SGCG: variants seen among roughly 807,000 people sequenced by gnomAD.
SGCG encodes the protein sarcoglycan gamma.
In SGCG, 26 loss-of-function variants were observed where a neutral mutation model predicts 29.3. The ratio of observed to expected loss-of-function variants is 0.89; its 90% CI spans 0.65 to 1.23. The LOEUF (loss-of-function observed/expected upper bound fraction) is 1.23, where lower values mean the gene tolerates loss of function less well. SGCG is among the 50% of genes most tolerant of loss of function. The probability of loss-of-function intolerance (pLI) is 0.00; values close to 1 mark genes in which losing one functional copy is unlikely to be tolerated. For synonymous variants in SGCG, 145 were observed against 129.7 expected (o/e 1.12, Z -0.80); for missense variants, 353 against 356.0 (o/e 0.99, Z 0.07).
At chr13:23,311,240 C>A (rs909416033) in intron 6 of SGCG, among the ~76,000 whole-genome samples, 5 of 152,126 alleles carry the variant, frequency 3.3e-5, no homozygotes, top group Admixed American at 2.0e-4. Context: ...ATTCTGAATT[C>A]TTTTAAGATT....
chr13:23,176,419 T>TA (rs1427732629), upstream of SGCG, among the ~76,000 whole-genome samples: 1 of 152,186 alleles, frequency 6.6e-6, no homozygotes, highest in Non-Finnish European at 1.5e-5. Context: ...TTGGGTGCTT[T>TA]ACTGTTGGGT....
chr13:23,302,271 T>TTA (rs1882190305), intron 6 of SGCG, among the ~76,000 whole-genome samples: 1 of 151,302 alleles, frequency 6.6e-6, no homozygotes, highest in South Asian at 2.1e-4. Context: ...ATTTATATAA[T>TTA]TATATATATA....
At chr13:23,171,315 T>C in the SGCG span, among the ~76,000 whole-genome samples, 1 of 152,206 alleles carries the variant, frequency 6.6e-6, no homozygotes. Flanking sequence ...GATAGTATTA[T>C]TCCCAACATT....
chr13:23,238,081 A>G (rs1245315059), intron 3 of SGCG, among the ~76,000 whole-genome samples: 1 of 152,212 alleles, frequency 6.6e-6, no homozygotes, highest in Non-Finnish European at 1.5e-5. Context: ...GACAATGGGC[A>G]GCTCAGGAGA....
chr13:23,317,932 G>A (rs1882886949), intron 6 of SGCG, among the ~76,000 whole-genome samples: 1 of 152,112 alleles, frequency 6.6e-6, no homozygotes, highest in African/African-American at 2.4e-5. Context: ...GGCTGGGGAA[G>A]GCAGACCCAC....
intron 4 of SGCG, among the ~76,000 whole-genome samples, chr13:23,271,847 T>C (rs1035176213): frequency 5.3e-5 from 8 of 152,228 alleles, no homozygotes; most frequent in African/African-American, 1.9e-4. Context: ...TCAGAAGTAT[T>C]ACAAATTTTT....
At chr13:23,219,249 G>A (rs1038660754) in intron 2 of SGCG, among the ~76,000 whole-genome samples, 14 of 151,842 alleles carry the variant, frequency 9.2e-5, no homozygotes, top group East Asian at 1.9e-4. Flanking sequence ...GGGTTTCATC[G>A]TGTTAGCCAG....
chr13:23,310,654 A>G (rs1043442019), intron 6 of SGCG, among the ~76,000 whole-genome samples: 2 of 151,376 alleles, frequency 1.3e-5, no homozygotes, highest in African/African-American at 4.9e-5. Flanking sequence ...ATTTTGTTTT[A>G]TTTACCATGC....
At chr13:23,241,401 CT>C in intron 3 of SGCG, among the ~76,000 whole-genome samples, 4 of 152,020 alleles carry the variant, frequency 2.6e-5, no homozygotes, top group Non-Finnish European at 5.9e-5. Context: ...TACATACAAC[CT>C]TCCAAGATTG....
the SGCG span, among the ~76,000 whole-genome samples, chr13:23,167,959 A>G: frequency 6.6e-6 from 1 of 150,572 alleles, no homozygotes; most frequent in Non-Finnish European, 1.5e-5. Context: ...CTGGTCTTGA[A>G]CTCTTGACCT....
chr13:23,274,832 C>T (rs931712149), intron 4 of SGCG, among the ~76,000 whole-genome samples: 3 of 151,818 alleles, frequency 2.0e-5, no homozygotes, highest in African/African-American at 7.3e-5. Context: ...GAAGTCCATC[C>T]TTTTCCAATT....
At chr13:23,172,962 G>A in the SGCG span, among the ~76,000 whole-genome samples, 4 of 152,196 alleles carry the variant, frequency 2.6e-5, no homozygotes, top group Admixed American at 1.3e-4. Context: ...GTTGTCAAAT[G>A]CTGATATTAA....
the SGCG span, among the ~76,000 whole-genome samples, chr13:23,169,093 C>T: frequency 6.6e-6 from 1 of 151,600 alleles, no homozygotes; most frequent in African/African-American, 2.4e-5. Flanking sequence ...CTGAAGTTTT[C>T]CCACTAGTCC....
At position 23,269,881 on chromosome 13, in the gene SGCG, T is replaced by TG. The variant is rs540247342; in HGVS notation, c.386-9478_386-9477insG. Among the ~76,000 whole-genome samples, 2,192 of 114,784 alleles carry TG rather than the reference T, an allele frequency of 0.019. 221 individuals carry two copies. In the East Asian group the frequency reaches 0.24, roughly 13 times the overall value. The allele number at this position is 114,784 out of a possible 152,430, so 75.3% of individuals were successfully genotyped here. On this transcript the variant is annotated intron_variant, in intron 4 of 7. Transcript: ENST00000218867. ...CTTTTTTTTGTTTTTTTTGTTTTTTTTGTTTTTTTTTGAGGCGGAGTCTCC... is the reference window on the plus strand; with the variant it reads ...CTTTTTTTTGTTTTTTTTGTTTTTTTGTGTTTTTTTTTGAGGCGGAGTCTCC...
chr13:23,292,250 C>T (rs889245343), intron 5 of SGCG, among the ~76,000 whole-genome samples: 4 of 152,144 alleles, frequency 2.6e-5, no homozygotes, highest in Non-Finnish European at 4.4e-5. Flanking sequence ...GCTGGGATTA[C>T]AGGCGTGCGC....
At chr13:23,246,477 G>T (rs1879714152) in intron 3 of SGCG, 1 of 152,206 alleles carries the variant, frequency 6.6e-6, no homozygotes, top group African/African-American at 2.4e-5. Flanking sequence ...CCTTCCCCAA[G>T]GAATTTCAGG....
At chr13:23,311,622 G>A (rs1051436119) in intron 6 of SGCG, among the ~76,000 whole-genome samples, 6 of 152,194 alleles carry the variant, frequency 3.9e-5, no homozygotes, top group Non-Finnish European at 8.8e-5. Flanking sequence ...GCAAAGTGAG[G>A]CTGACATGTG....
At chr13:23,233,140 A>G (rs1318985471) in intron 2 of SGCG, among the ~76,000 whole-genome samples, 1 of 152,224 alleles carries the variant, frequency 6.6e-6, no homozygotes, top group Non-Finnish European at 1.5e-5. Flanking sequence ...AGCATTTACA[A>G]TGCCCAAAAT....
chr13:23,197,446 G>C (rs1305331145), intron 1 of SGCG, among the ~76,000 whole-genome samples: 2 of 152,196 alleles, frequency 1.3e-5, no homozygotes, highest in Non-Finnish European at 2.9e-5. Context: ...GGAGTTTTCA[G>C]ATTGACATCA....
Sources: allele counts gnomAD v4.1 joint callset (sites outside exome capture counted in the v4.1 genomes callset), GRCh38; gene constraint gnomAD v4.1.1; transcripts MANE v1.5; gene names NCBI Gene and HGNC (gene_info 2026-07-23, HGNC 2026-07-21).